DHX33: variants seen among roughly 807,000 people sequenced by gnomAD.
DHX33 encodes the protein ATP-dependent RNA helicase DHX33.
In DHX33, 42 loss-of-function variants were observed where a neutral mutation model predicts 72.5. The ratio of observed to expected loss-of-function variants is 0.58; its 90% confidence interval spans 0.45 to 0.75. The LOEUF (loss-of-function observed/expected upper bound fraction) is 0.75. Ranked by LOEUF, DHX33 falls within the 30% of genes least tolerant of loss-of-function variation. The pLI, the probability that DHX33 is intolerant of heterozygous loss-of-function variation, is 0.00. For missense variants in DHX33, 842 were observed against 917.5 expected (o/e 0.92, Z 1.06); for synonymous variants, 358 against 366.1 (o/e 0.98, Z 0.25).
At chr17:5,464,680 G>A (rs1347774142) in intron 1 of DHX33, among the ~76,000 whole-genome samples, 8 of 152,066 alleles carry the variant, frequency 5.3e-5, no homozygotes, top group Non-Finnish European at 7.4e-5. Context: ...ATGTTCAAAA[G>A]GTAATTTACA....
At chr17:5,447,448 C>G (rs1019258982) in intron 11 of DHX33, among the ~76,000 whole-genome samples, 1 of 152,082 alleles carries the variant, frequency 6.6e-6, no homozygotes, top group African/African-American at 2.4e-5. Flanking sequence ...CATGGTGAAA[C>G]CTCGTCTCTA....
chr17:5,457,124 T>C (rs969716642), intron 4 of DHX33, among the ~76,000 whole-genome samples: 1 of 152,056 alleles, frequency 6.6e-6, no homozygotes, highest in Non-Finnish European at 1.5e-5. Context: ...TTGACCAACA[T>C]GGTGAAACCC....
chr17:5,460,513 TG>T (rs377138145), intron 4 of DHX33, among the ~76,000 whole-genome samples: 1 of 151,410 alleles, frequency 6.6e-6, no homozygotes, highest in Non-Finnish European at 1.5e-5. Context: ...GTTTTTTTTT[TG>T]TTTTTTTTTT....
intron 11 of DHX33, among the ~76,000 whole-genome samples, chr17:5,448,543 T>G (rs1916753646): frequency 6.6e-6 from 1 of 152,184 alleles, no homozygotes; most frequent in Non-Finnish European, 1.5e-5. Context: ...ATTCTAACAC[T>G]GGAAAATGCT....
intron 9 of DHX33, 21 bp from the exon 10 acceptor site, chr17:5,450,427 T>C (rs940993287): frequency 1.2e-6 from 2 of 1,611,256 alleles, no homozygotes; most frequent in African/African-American, 1.3e-5. Flanking sequence ...AAATTTAAAA[T>C]TGTGTAAACC....
In DHX33 at chr17:5,443,352, T is replaced by C. The variant is rs1408968354; in HGVS notation, c.*853A>G. ...TAGAGAGAAAAATGGCAACTGTGTA[T>C]GTGGGAGTCACCTACACACACAAAA... On this transcript the variant is annotated 3_prime_UTR_variant, in exon 12 of 12. Coordinates refer to ENST00000225296, the MANE Select transcript of DHX33 (RefSeq NM_020162.4). 6.6e-6 allele frequency: 1 copy of C among 151,860 alleles called. No homozygotes were observed. Among genetic ancestry groups the C allele is most frequent in the Non-Finnish European group, 1.5e-5 (1 of 68,022 alleles). The allele number at this position is 151,860 out of a possible 1,614,324, so 9.4% of individuals were successfully genotyped here.
rs200239188 is a variant in DHX33, at chr17:5,461,039, T to C, written c.749A>G (p.Tyr250Cys). ...SQYFNGAPVLYLEGRQHPIQV... is the reference protein window; with the variant it reads ...SQYFNGAPVLCLEGRQHPIQV... ...GATCGGATGCTGCCGACCCTCTAGG[T>C]AGAGGACGGGGGCGCCATTGAAATA... Residue 250 changes from tyrosine (Y) to cysteine (C), a missense_variant, in exon 4 of 12, where the codon TAC becomes TGC. Coordinates refer to ENST00000225296, the MANE Select transcript of DHX33 (RefSeq NM_020162.4). The C allele has an allele frequency of 1.9e-6, 3 of 1,613,284 alleles. No homozygotes were observed. Among genetic ancestry groups the C allele is most frequent in the East Asian group, 2.2e-5 (1 of 44,822 alleles).
intron 11 of DHX33, among the ~76,000 whole-genome samples, chr17:5,445,224 G>A (rs866666754): frequency 2.0e-5 from 3 of 151,992 alleles, no homozygotes; most frequent in Non-Finnish European, 2.9e-5. Context: ...GATTACAGGC[G>A]CCTGCCACCA....
rs760166869 is a variant in DHX33, at chr17:5,468,647, G to A, written c.213C>T (p.Arg71=). The A allele has an allele frequency of 1.2e-6, 2 of 1,612,518 alleles. No individual in the cohort carries two copies. Among genetic ancestry groups the A allele is most frequent in the Admixed American group, 3.3e-5 (2 of 59,980 alleles). The change falls in exon 1 of 12, where the codon CGC becomes CGT. Residue 71 remains arginine, a synonymous_variant. Coordinates refer to ENST00000225296, the MANE Select transcript of DHX33 (RefSeq NM_020162.4). The part of the protein sequence containing the change: ...SPYPEAVELQ[R]RSLPIFQARG... ...GCGCTTGGAAGATGGGCAGACTCCG[G>A]CGCTGCAGCTCCACAGCTTCAGGGT...
At chr17:5,467,487 C>T (rs1904925663) in intron 1 of DHX33, among the ~76,000 whole-genome samples, 1 of 152,264 alleles carries the variant, frequency 6.6e-6, no homozygotes, top group African/African-American at 2.4e-5. Context: ...TAAAAAACCG[C>T]CTAAATCCAA....
intron 8 of DHX33, 100 bp from the exon 9 acceptor site, chr17:5,451,034 A>G: frequency 2.1e-6 from 3 of 1,416,506 alleles, no homozygotes; most frequent in East Asian, 2.3e-5. Flanking sequence ...TACATCAAAC[A>G]ACAGCAAAAA....
chr17:5,468,740 G>A lies in DHX33; in HGVS notation c.120C>T (p.Ser40=). The change falls in exon 1 of 12, where the codon AGC becomes AGT. Residue 40 remains serine (S), a synonymous_variant. Coordinates refer to ENST00000225296, the MANE Select transcript of DHX33 (RefSeq NM_020162.4). ...RQVVMLLTAG[S]GGRGGGGGRR... ...GGCCTCCTCCTCCTCCTCTGCCGCC[G>A]CTGCCCGCAGTCAGCAGCATCACCA... 2 of 1,610,896 alleles carry A rather than the reference G, an allele frequency of 1.2e-6. No individual in the cohort carries two copies. Among genetic ancestry groups the A allele is most frequent in the Non-Finnish European group, 8.5e-7 (1 of 1,178,922 alleles).
rs775009395 is a variant in DHX33, at chr17:5,450,198, C to T, written c.1728+5G>A. 6.2e-7 allele frequency: 1 copy of T among 1,614,094 alleles called. No homozygotes were observed. The highest frequency in any genetic ancestry group is 8.5e-7 in the Non-Finnish European group (1 of 1,180,006). On this transcript the variant is annotated splice_donor_5th_base_variant and intron_variant, in intron 10 of 11. Transcript: ENST00000225296. ...GCTGGAGAACAGGTGCAAGACAAGG[C>T]TCACCTTATTTCCGCCTAGGTTTTT... is the stretch of plus-strand genomic sequence containing the variant.
chr17:5,453,740 T>G (rs1445347686), intron 7 of DHX33, 72 bp from the exon 8 acceptor site: 3 of 1,611,526 alleles, frequency 1.9e-6, no homozygotes, highest in Non-Finnish European at 1.7e-6. Flanking sequence ...CATGGTGGAG[T>G]GTGAGTAAAA....
chr17:5,456,328 G>A (rs975097201), intron 4 of DHX33, 146 bp from the exon 5 acceptor site: 6 of 904,782 alleles, frequency 6.6e-6, no homozygotes, highest in African/African-American at 1.7e-5. Context: ...TGTCTAGCTT[G>A]GAGAGAACCC....
At chr17:5,453,514 G>T in intron 8 of DHX33, 66 bp downstream of exon 8, 2 of 1,270,110 alleles carry the variant, frequency 1.6e-6, no homozygotes, top group South Asian at 1.2e-5. Flanking sequence ...TTATTTTTTT[G>T]GAAGTGTCCA....
rs763474792 is a variant in DHX33 at position 5,461,052 on chromosome 17, C to T, written c.736G>A (p.Ala246Thr). The T allele has an allele frequency of 9.3e-6, 15 of 1,612,220 alleles. No individual in the cohort carries two copies. The highest frequency in any genetic ancestry group is 3.3e-5 in the South Asian group (3 of 90,824). The change falls in exon 4 of 12, where the codon GCC (alanine) becomes ACC (threonine). Residue 246 changes from alanine to threonine, a missense_variant. Physicochemically the swap from Ala to Thr is moderately conservative, Grantham distance 58. Coordinates refer to ENST00000225296, the MANE Select transcript of DHX33 (RefSeq NM_020162.4). ...CGACCCTCTAGGTAGAGGACGGGGG[C>T]GCCATTGAAATACTGAGAGAACAGG... is the stretch of plus-strand genomic sequence containing the variant. ...VDLFSQYFNG[A>T]PVLYLEGRQH...
At chr17:5,446,463 G>C (rs1205314623) in intron 11 of DHX33, among the ~76,000 whole-genome samples, 1 of 151,970 alleles carries the variant, frequency 6.6e-6, no homozygotes, top group Admixed American at 6.6e-5. Context: ...TGTAAAATGG[G>C]AATAACAAAA....
At chr17:5,451,907 G>A (rs552454660) in intron 8 of DHX33, among the ~76,000 whole-genome samples, 1 of 152,216 alleles carries the variant, frequency 6.6e-6, no homozygotes, top group South Asian at 2.1e-4. Flanking sequence ...TATACTATAC[G>A]GAACAAGCTG....
Sources: allele counts gnomAD v4.1 joint callset (sites outside exome capture counted in the v4.1 genomes callset), GRCh38; gene constraint gnomAD v4.1.1; transcripts MANE v1.5; gene names NCBI Gene and HGNC (gene_info 2026-07-23, HGNC 2026-07-21).